NFATC4: variants seen among roughly 807,000 people sequenced by gnomAD.
NFATC4 encodes nuclear factor of activated T cells 4, also known as nuclear factor of activated T-cells, cytoplasmic 4.
Under a neutral mutation model 73.4 loss-of-function variants are expected in NFATC4, and 25 were observed. That is an observed-to-expected ratio of 0.34 (90% CI 0.25 to 0.48). The LOEUF (loss-of-function observed/expected upper bound fraction) is 0.48, where lower values mean the gene tolerates loss of function less well. NFATC4 is among the 20% of genes least tolerant of loss of function. The pLI is 0.99. For missense variants in NFATC4, 1,130 were observed against 1,203.7 expected (o/e 0.94, Z 0.91); for synonymous variants, 523 against 510.3 (o/e 1.02, Z -0.34).
chr14:24,367,782 T>G, upstream of NFATC4: 2 of 1,347,850 alleles, frequency 1.5e-6, no homozygotes, highest in Non-Finnish European at 2.0e-6. Flanking sequence ...CTAGGTGCTA[T>G]CTACACAGTC....
At chr14:24,372,410 C>T (rs1235952147) in intron 2 of NFATC4, 31 bp from the exon 3 acceptor site, 3 of 1,606,380 alleles carry the variant, frequency 1.9e-6, no homozygotes, top group Non-Finnish European at 2.5e-6. Context: ...TCTGAGGCTG[C>T]ACATGATCAA....
Position 24,368,470 on chromosome 14 carries a change from G to A in NFATC4, c.100+30G>A, listed in dbSNP as rs1054259971. 15 of 1,273,208 alleles carry A rather than the reference G, an allele frequency of 1.2e-5. No homozygotes were observed. In the African/African-American group the frequency reaches 2.3e-4, roughly 20 times the overall value. The allele number at this position is 1,273,208 out of a possible 1,614,324, so 78.9% of individuals were successfully genotyped here. A position where few individuals can be genotyped will look rare whatever the true frequency, so the allele number is the denominator to read the frequency against. Reference sequence around the variant, plus strand: ...GTGCTGGGCTGGGAAGGGGTCTTGGGGTCAGTGAGAGGAGGGCCGGGGATC... The same window carrying A: ...GTGCTGGGCTGGGAAGGGGTCTTGGAGTCAGTGAGAGGAGGGCCGGGGATC... On this transcript the variant is annotated intron_variant, in intron 1 of 9. Coordinates refer to ENST00000250373, the MANE Select transcript of NFATC4 (RefSeq NM_004554.5).
chr14:24,372,314 G>T, intron 2 of NFATC4, 127 bp from the exon 3 acceptor site: 1 of 987,052 alleles, frequency 1.0e-6, no homozygotes, highest in Non-Finnish European at 1.5e-6. Flanking sequence ...AAGTGTTAAT[G>T]TACTTCTTTA....
chr14:24,376,898 CTGTGAG>C lies in NFATC4; in HGVS notation c.2641+31_2641+36del. ...AGGAAGGTGGGTGTGGGACTGGGGGCTGTGAGTGTGAGTGTGTGCAAGAGATTGCTC... is the reference window on the plus strand; with the variant it reads ...AGGAAGGTGGGTGTGGGACTGGGGGCTGTGAGTGTGTGCAAGAGATTGCTC... On this transcript the variant is annotated intron_variant, in intron 9 of 9. Transcript: ENST00000250373. This position sits in a 1 kb window ranked among gnomAD's most constrained non-coding sequence, Gnocchi z 5.0. The C allele has an allele frequency of 6.5e-7, 1 of 1,532,198 alleles. No individual in the cohort carries two copies. The allele number at this position is 1,532,198 out of a possible 1,614,324, so 94.9% of individuals were successfully genotyped here.
chr14:24,367,629 G>A, upstream of NFATC4: 1 of 1,536,130 alleles, frequency 6.5e-7, no homozygotes, highest in Non-Finnish European at 8.7e-7. Flanking sequence ...AAGACTTCCA[G>A]AAGGCCCGGG....
At position 24,377,898 on chromosome 14, in the gene NFATC4, G is replaced by A; in HGVS notation, c.*193G>A. 8.6e-7 allele frequency: 1 copy of A among 1,166,528 alleles called. No individual in the cohort carries two copies. Among genetic ancestry groups the A allele is most frequent in the African/African-American group, 1.5e-5 (1 of 64,882 alleles). The allele number at this position is 1,166,528 out of a possible 1,614,324, so 72.3% of individuals were successfully genotyped here. On this transcript the variant is annotated 3_prime_UTR_variant, in exon 10 of 10. Coordinates refer to ENST00000250373, the MANE Select transcript of NFATC4 (RefSeq NM_004554.5). This position sits in a 1 kb window ranked among gnomAD's most constrained non-coding sequence, Gnocchi z 4.2. ...GGCCCTCAGGCCTGGTGCTGCCTTG[G>A]AGGGCTGGGGGAAGGAGTGTGTGGA...
At position 24,376,625 on chromosome 14, in the gene NFATC4, C is replaced by A; in HGVS notation, c.2388C>A (p.Gly796=). The change falls in exon 9 of 10, where the codon GGC becomes GGA. Residue 796 remains glycine, a synonymous_variant. Transcript: ENST00000250373. The surrounding 1 kb of genome is among the most constrained non-coding windows in gnomAD (Gnocchi z 5.0). ...PFPSDPYGGR[G]SSFSLGLPFS... is the part of the protein sequence containing the mutation. ...CTAGTGACCCGTATGGAGGGCGGGGCTCCTCTTTCTCCCTGGGGCTGCCAT... is the reference window on the plus strand; with the variant it reads ...CTAGTGACCCGTATGGAGGGCGGGGATCCTCTTTCTCCCTGGGGCTGCCAT... 1.2e-6 allele frequency: 2 copies of A among 1,613,640 alleles called. No homozygotes were observed. The highest frequency in any genetic ancestry group is 1.7e-6 in the Non-Finnish European group (2 of 1,179,864).
In NFATC4 at chr14:24,369,765, C is replaced by G; in HGVS notation, c.367C>G (p.Pro123Ala). Reference sequence around the variant, plus strand: ...CAGCATCCGCATCACCTCCATCTCTCCCACGCCGGAGCCGCCAGCAGCGCT... The same window carrying G: ...CAGCATCCGCATCACCTCCATCTCTGCCACGCCGGAGCCGCCAGCAGCGCT... Reference protein sequence around the residue: ...CPSIRITSISPTPEPPAALED... With the variant: ...CPSIRITSISATPEPPAALED... The change falls in exon 2 of 10, where the codon CCC becomes GCC. Residue 123 changes from proline (P) to alanine (A), a missense_variant. Coordinates refer to ENST00000250373, the MANE Select transcript of NFATC4 (RefSeq NM_004554.5). The G allele has an allele frequency of 6.3e-7, 1 of 1,599,548 alleles. No homozygotes were observed. Among genetic ancestry groups the G allele is most frequent in the Non-Finnish European group, 8.5e-7 (1 of 1,173,258 alleles).
upstream of NFATC4, chr14:24,367,885 T>G: frequency 7.4e-7 from 1 of 1,343,386 alleles, no homozygotes; most frequent in South Asian, 2.1e-5. Context: ...AACCTTGAAC[T>G]GAGACTAGGG....
In NFATC4 at chr14:24,374,384, T is replaced by G. The variant is rs1161937092; in HGVS notation, c.1791T>G (p.Ser597=). The G allele has an allele frequency of 6.2e-7, 1 of 1,614,026 alleles. No homozygotes were observed. The highest frequency in any genetic ancestry group is 2.2e-5 in the East Asian group (1 of 44,884). Residue 597 remains serine, a synonymous_variant, in exon 6 of 10, where the codon TCT becomes TCG. Transcript: ENST00000250373. ...AGGCCTACAGCCCCAGTGCCTGCTC[T>G]GTGAGAGGAGGCGAGGAACTGGTAC... ...QVEAYSPSAC[S]VRGGEELVLT...
At chr14:24,366,984 G>A, upstream of NFATC4, 6 of 1,595,360 alleles carry the variant, frequency 3.8e-6, no homozygotes, top group Non-Finnish European at 5.1e-6. Context: ...GTGCGGCCCT[G>A]AACCGGAGGG....
In NFATC4 at chr14:24,376,940, C is replaced by G; in HGVS notation, c.2641+62C>G. 6.9e-7 allele frequency: 1 copy of G among 1,453,640 alleles called. No individual in the cohort carries two copies. Among genetic ancestry groups the G allele is most frequent in the Non-Finnish European group, 9.1e-7 (1 of 1,104,308 alleles). 90.0% of individuals were successfully genotyped at this position (1,453,640 alleles called of 1,614,324 possible). A position where few individuals can be genotyped will look rare whatever the true frequency, so the allele number is the denominator to read the frequency against. On this transcript the variant is annotated intron_variant, in intron 9 of 9. Coordinates refer to ENST00000250373, the MANE Select transcript of NFATC4 (RefSeq NM_004554.5). The surrounding 1 kb of genome is among the most constrained non-coding windows in gnomAD (Gnocchi z 5.0). ...TGCAAGAGATTGCTCTGCATGTTTG[C>G]TGAGGGCTGGAGCTGGGCTTTTCAG...
At position 24,372,611 on chromosome 14, in the gene NFATC4, A is replaced by G. The variant is rs563851037; in HGVS notation, c.1359+8A>G. 1.9e-6 allele frequency: 3 copies of G among 1,613,748 alleles called. No individual in the cohort carries two copies. In the African/African-American group the frequency reaches 4.0e-5, roughly 22 times the overall value. ...GGTCACCCCGTAGTCAAGGTAAAGG[A>G]CAGACAGCAGGCCTGATATCCTCTC... On this transcript the variant is annotated splice_region_variant and intron_variant, in intron 3 of 9. Coordinates refer to ENST00000250373, the MANE Select transcript of NFATC4 (RefSeq NM_004554.5).
rs750702833 is a variant in NFATC4, at chr14:24,369,785, A to T, written c.387A>T (p.Ala129=). 3.8e-6 allele frequency: 6 copies of T among 1,596,378 alleles called. No homozygotes were observed. Among genetic ancestry groups the T allele is most frequent in the Non-Finnish European group, 5.1e-6 (6 of 1,171,468 alleles). The change falls in exon 2 of 10, where the codon GCA becomes GCT. Residue 129 remains alanine (A), a synonymous_variant. Coordinates refer to ENST00000250373, the MANE Select transcript of NFATC4 (RefSeq NM_004554.5). ...TSISPTPEPP[A]ALEDNPDAWG... ...TCTCTCCCACGCCGGAGCCGCCAGC[A>T]GCGCTGGAGGACAACCCTGATGCCT...
chr14:24,374,721 A>G (rs1271639088), intron 6 of NFATC4: 13 of 394,368 alleles, frequency 3.3e-5, no homozygotes, highest in Non-Finnish European at 6.0e-5. Flanking sequence ...GTCTGCTTTG[A>G]GATAATTTAC....
At position 24,373,084 on chromosome 14, in the gene NFATC4, A is replaced by G; in HGVS notation, c.1360-87A>G. 1 of 1,346,708 alleles carries G rather than the reference A, an allele frequency of 7.4e-7. No homozygotes were observed. The allele number at this position is 1,346,708 out of a possible 1,614,324, so 83.4% of individuals were successfully genotyped here. On this transcript the variant is annotated intron_variant, in intron 3 of 9. Coordinates refer to ENST00000250373, the MANE Select transcript of NFATC4 (RefSeq NM_004554.5). The surrounding 1 kb of genome is among the most constrained non-coding windows in gnomAD (Gnocchi z 4.7). ...ATATCCTTTATCTTTCACCATTCCC[A>G]TCCCATGGTAGACTGAAAATCTAGG... is the stretch of plus-strand genomic sequence containing the variant.
intron 6 of NFATC4, 69 bp downstream of exon 6, chr14:24,374,535 C>T: frequency 4.0e-6 from 6 of 1,497,554 alleles, no homozygotes; most frequent in South Asian, 1.3e-5. Context: ...ACATCTCTGG[C>T]ATTGTCACTA....
In NFATC4 at chr14:24,379,126, C is replaced by A. The variant is rs2042704845; in HGVS notation, c.*1421C>A. 1 of 152,324 alleles carries A rather than the reference C, an allele frequency of 6.6e-6. No individual in the cohort carries two copies. Among genetic ancestry groups the A allele is most frequent in the Non-Finnish European group, 1.5e-5 (1 of 68,158 alleles). 9.4% of individuals were successfully genotyped at this position (152,324 alleles called of 1,614,324 possible). A position where few individuals can be genotyped will look rare whatever the true frequency, so the allele number is the denominator to read the frequency against. Reference sequence around the variant, plus strand: ...CTCAGGAGAGCAGGGGTGGGTGTGACAGAGGCTGGCTCTGGATTGGGGGAC... The same window carrying A: ...CTCAGGAGAGCAGGGGTGGGTGTGAAAGAGGCTGGCTCTGGATTGGGGGAC... On this transcript the variant is annotated 3_prime_UTR_variant, in exon 10 of 10. Transcript: ENST00000250373.
chr14:24,370,055 G>A lies in NFATC4; in HGVS notation c.657G>A (p.Arg219=), dbSNP rs773169029. The change falls in exon 2 of 10, where the codon CGG becomes CGA. Residue 219 remains arginine (R), a synonymous_variant. Transcript: ENST00000250373. ...FGLGSPLPSP[R]ASPRPWTPED... is the part of the protein sequence containing the mutation. Reference sequence around the variant, plus strand: ...TGGGCTCCCCGCTGCCCTCGCCCCGGGCCTCCCCTCGGCCATGGACCCCCG... The same window carrying A: ...TGGGCTCCCCGCTGCCCTCGCCCCGAGCCTCCCCTCGGCCATGGACCCCCG... 17 of 1,608,370 alleles carry A rather than the reference G, an allele frequency of 1.1e-5. No individual in the cohort carries two copies. The highest frequency in any genetic ancestry group is 5.0e-5 in the Admixed American group (3 of 59,984).
Sources: allele counts gnomAD v4.1 joint callset, GRCh38; gene constraint gnomAD v4.1.1; non-coding constraint Gnocchi (gnomAD v3.1); transcripts MANE v1.5; gene names NCBI Gene and HGNC (gene_info 2026-07-23, HGNC 2026-07-21).